PTPRT: variants seen among roughly 807,000 people sequenced by gnomAD.
PTPRT encodes the protein receptor-type tyrosine-protein phosphatase T.
A neutral mutation model predicts 176.8 loss-of-function variants in PTPRT; 56 were observed. The observed-to-expected ratio is 0.32, with a 90% CI of 0.26 to 0.40. PTPRT has a LOEUF of 0.40. Among genes scored for constraint, PTPRT ranks in the 10% least tolerant of loss-of-function variants. The probability of loss-of-function intolerance (pLI) is 1.00; values close to 1 mark genes in which losing one functional copy is unlikely to be tolerated. For missense variants in PTPRT, 1,540 were observed against 1,908.2 expected (o/e 0.81, Z 3.60); for synonymous variants, 783 against 739.0 (o/e 1.06, Z -0.96).
At chr20:42,461,669 A>T (rs1186095202) in intron 8 of PTPRT, among the ~76,000 whole-genome samples, 1 of 152,224 alleles carries the variant, frequency 6.6e-6, no homozygotes, top group East Asian at 1.9e-4. Flanking sequence ...CCAACTGGTT[A>T]AGTAAGAGGA....
intron 11 of PTPRT, among the ~76,000 whole-genome samples, chr20:42,323,159 G>A (rs1344389389): frequency 2.0e-5 from 3 of 152,228 alleles, no homozygotes; most frequent in East Asian, 1.9e-4. Context: ...TACACTGTTG[G>A]TGGGACTGTA....
At chr20:42,704,345 T>A (rs1307698484) in intron 6 of PTPRT, among the ~76,000 whole-genome samples, 1 of 151,592 alleles carries the variant, frequency 6.6e-6, no homozygotes, top group Non-Finnish European at 1.5e-5. Context: ...TGGTGTACAT[T>A]CTCCCTCACT....
At chr20:42,403,007 C>G (rs954394330) in intron 9 of PTPRT, among the ~76,000 whole-genome samples, 25 of 152,020 alleles carry the variant, frequency 1.6e-4, no homozygotes, top group Admixed American at 1.6e-3. Flanking sequence ...TAATTATTCT[C>G]AATGCAATAC....
At chr20:42,420,634 G>A (rs1327924604) in intron 9 of PTPRT, among the ~76,000 whole-genome samples, 1 of 152,170 alleles carries the variant, frequency 6.6e-6, no homozygotes, top group South Asian at 2.1e-4. Context: ...CTTGGTTACT[G>A]ATGTCTGAGC....
intron 1 of PTPRT, among the ~76,000 whole-genome samples, chr20:42,982,434 G>A (rs922533867): frequency 2.6e-5 from 4 of 152,166 alleles, no homozygotes; most frequent in Admixed American, 6.5e-5. Flanking sequence ...GACTGAGCAC[G>A]GGACCATGAA....
At chr20:42,060,474 C>G in the PTPRT span, among the ~76,000 whole-genome samples, 3 of 152,122 alleles carry the variant, frequency 2.0e-5, no homozygotes, top group Non-Finnish European at 4.4e-5. Context: ...TCCTGAATTC[C>G]CAGGTGTTGT....
rs565144747 is a variant in PTPRT at position 42,991,858 on chromosome 20, G to A, written c.89-105926C>T. On this transcript the variant is annotated intron_variant, in intron 1 of 30. Coordinates refer to ENST00000373187, the MANE Select transcript of PTPRT (RefSeq NM_007050.6). ...GTGATAACTGGGTGGAAAGTCCCACGGGATAAATTTAAAACCAGGTTCAAA... is the reference window on the plus strand; with the variant it reads ...GTGATAACTGGGTGGAAAGTCCCACAGGATAAATTTAAAACCAGGTTCAAA... Among the ~76,000 whole-genome samples the A allele has an allele frequency of 1.5e-3, 232 of 152,186 alleles. 1 individual carries two copies. The highest frequency in any genetic ancestry group is 6.8e-3 in the Middle Eastern group (2 of 294).
At chr20:42,684,164 C>G (rs1290090876) in intron 6 of PTPRT, among the ~76,000 whole-genome samples, 1 of 152,214 alleles carries the variant, frequency 6.6e-6, no homozygotes, top group African/African-American at 2.4e-5. Flanking sequence ...ACCAGCCTGA[C>G]CAACATGGTG....
intron 12 of PTPRT, among the ~76,000 whole-genome samples, chr20:42,315,080 A>G (rs2057697079): frequency 6.6e-6 from 1 of 151,800 alleles, no homozygotes; most frequent in Non-Finnish European, 1.5e-5. Context: ...TTTGACACAA[A>G]AATGGTTACC....
intron 18 of PTPRT, among the ~76,000 whole-genome samples, chr20:42,137,484 T>G (rs937895317): frequency 6.6e-6 from 1 of 152,122 alleles, no homozygotes; most frequent in Non-Finnish European, 1.5e-5. Flanking sequence ...GGAACATGGA[T>G]GTGACTTGAT....
intron 1 of PTPRT, among the ~76,000 whole-genome samples, chr20:42,903,614 G>A (rs2079435558): frequency 6.6e-6 from 1 of 152,208 alleles, no homozygotes; most frequent in East Asian, 1.9e-4. Context: ...AAACAGTGAA[G>A]CTTTGGCAAT....
rs186720554 is a variant in PTPRT at position 42,920,598 on chromosome 20, A to T, written c.89-34666T>A. Among the ~76,000 whole-genome samples, 752 of 152,312 alleles carry T rather than the reference A, an allele frequency of 4.9e-3. 4 individuals are homozygous for T. Among genetic ancestry groups the T allele is most frequent in the African/African-American group, 0.017 (697 of 41,552 alleles). ...TTTTTTCCAAGAGGAGAGGAAAAAA[A>T]GTCATGGTCACATACATACAAAAAG... On this transcript the variant is annotated intron_variant, in intron 1 of 30. Transcript: ENST00000373187.
chr20:42,345,366 TACACACACAC>T (rs35901100), intron 11 of PTPRT, among the ~76,000 whole-genome samples: 4 of 134,096 alleles, frequency 3.0e-5, no homozygotes, highest in East Asian at 2.1e-4. Flanking sequence ...AAGGCATATA[TACACACACAC>T]ACACACACAC....
At chr20:43,090,761 G>C (rs1323705526) in intron 1 of PTPRT, among the ~76,000 whole-genome samples, 1 of 151,992 alleles carries the variant, frequency 6.6e-6, no homozygotes, top group African/African-American at 2.4e-5. Flanking sequence ...ACAGACACAT[G>C]AAAGACCATA....
chr20:42,036,855 A>AT, the PTPRT span, among the ~76,000 whole-genome samples: 1 of 152,202 alleles, frequency 6.6e-6, no homozygotes, highest in Non-Finnish European at 1.5e-5. Flanking sequence ...AGCACCTTGC[A>AT]TATCAGCAGA....
At chr20:42,725,091 G>C (rs1040444782) in intron 6 of PTPRT, among the ~76,000 whole-genome samples, 3 of 151,474 alleles carry the variant, frequency 2.0e-5, no homozygotes, top group South Asian at 4.2e-4. Context: ...TCAATGGAAT[G>C]ATCTCGGCTC....
At chr20:42,616,454 GT>G (rs1457974240) in intron 7 of PTPRT, among the ~76,000 whole-genome samples, 1 of 126,294 alleles carries the variant, frequency 7.9e-6, no homozygotes, top group Non-Finnish European at 1.7e-5. Flanking sequence ...CTTTAAAGTA[GT>G]TTTTTCCAAT....
chr20:42,226,762 G>C (rs2056021762), intron 15 of PTPRT, among the ~76,000 whole-genome samples: 1 of 152,022 alleles, frequency 6.6e-6, no homozygotes, highest in African/African-American at 2.4e-5. Flanking sequence ...TTCTGACCCT[G>C]GTTCTCTCCT....
intron 1 of PTPRT, among the ~76,000 whole-genome samples, chr20:42,955,815 G>GGGAGGGAGGGAGTGAGGGAGAA: frequency 6.7e-6 from 1 of 149,140 alleles, no homozygotes; most frequent in East Asian, 2.0e-4. Context: ...GGGAGAAGGA[G>GGGAGGGAGGGAGTGAGGGAGAA]GGAGGGAGGG....
Sources: allele counts gnomAD v4.1 joint callset (sites outside exome capture counted in the v4.1 genomes callset), GRCh38; gene constraint gnomAD v4.1.1; transcripts MANE v1.5; gene names NCBI Gene and HGNC (gene_info 2026-07-23, HGNC 2026-07-21).